The following SYNPO2 variants were observed in gnomAD, a reference collection of about 807,000 sequenced individuals.
The protein encoded by SYNPO2 is synaptopodin 2.
A neutral mutation model predicts 85.0 loss-of-function variants in SYNPO2; 56 were observed. The observed-to-expected ratio is 0.66, with a 90% CI of 0.53 to 0.82. SYNPO2 has a LOEUF of 0.82. SYNPO2 is among the 40% of genes least tolerant of loss of function. The probability of loss-of-function intolerance (pLI) is 0.00; values close to 1 mark genes in which losing one functional copy is unlikely to be tolerated. For synonymous variants in SYNPO2, 602 were observed against 591.1 expected (o/e 1.02, Z -0.27); for missense variants, 1,575 against 1,534.2 (o/e 1.03, Z -0.44).
chr4:118,969,581 C>T (rs1225917118), intron 1 of SYNPO2, among the ~76,000 whole-genome samples: 2 of 152,110 alleles, frequency 1.3e-5, no homozygotes, highest in Non-Finnish European at 2.9e-5. Context: ...TGGCATATTC[C>T]AAGTGTAATA....
intron 4 of SYNPO2, among the ~76,000 whole-genome samples, chr4:119,054,847 C>T (rs2149201764): frequency 6.6e-6 from 1 of 152,306 alleles, no homozygotes; most frequent in East Asian, 1.9e-4. Flanking sequence ...CAGGGATCCA[C>T]CTCTGTCTGC....
chr4:118,924,975 A>G (rs192157466), intron 1 of SYNPO2, among the ~76,000 whole-genome samples: 5 of 152,304 alleles, frequency 3.3e-5, no homozygotes, highest in Admixed American at 2.0e-4. Flanking sequence ...AGTCTATCAC[A>G]TCACCTCCAT....
intron 1 of SYNPO2, among the ~76,000 whole-genome samples, chr4:119,005,762 T>G (rs1578635089): frequency 6.6e-6 from 1 of 152,312 alleles, no homozygotes; most frequent in East Asian, 1.9e-4. Context: ...TTACCTTTTC[T>G]TATAACTGAG....
intron 4 of SYNPO2, among the ~76,000 whole-genome samples, chr4:119,057,022 C>A (rs1008632682): frequency 6.6e-6 from 1 of 152,178 alleles, no homozygotes; most frequent in African/African-American, 2.4e-5. Context: ...TGTGAATTCA[C>A]ATATGCTTAT....
chr4:119,052,985 C>A (rs2149201069), intron 4 of SYNPO2, among the ~76,000 whole-genome samples: 1 of 152,240 alleles, frequency 6.6e-6, no homozygotes, highest in Non-Finnish European at 1.5e-5. Context: ...ATATTAAATT[C>A]CCTTGATGAT....
At chr4:118,962,850 A>G (rs1735159272) in intron 1 of SYNPO2, among the ~76,000 whole-genome samples, 1 of 152,190 alleles carries the variant, frequency 6.6e-6, no homozygotes, top group Admixed American at 6.6e-5. Context: ...CCCATTAGCC[A>G]TAATCTTGGC....
intron 1 of SYNPO2, among the ~76,000 whole-genome samples, chr4:118,919,187 G>A (rs2149127537): frequency 6.6e-6 from 1 of 152,226 alleles, no homozygotes; most frequent in East Asian, 1.9e-4. Flanking sequence ...ATGAGGGAGA[G>A]CAAATATTAG....
intron 1 of SYNPO2, among the ~76,000 whole-genome samples, chr4:119,012,736 T>C (rs1361086423): frequency 1.3e-5 from 2 of 152,202 alleles, no homozygotes; most frequent in African/African-American, 2.4e-5. Flanking sequence ...CTCCTTCTTT[T>C]TTAGGGTTGC....
intron 1 of SYNPO2, among the ~76,000 whole-genome samples, chr4:118,980,536 C>A (rs1262384322): frequency 6.6e-6 from 1 of 152,006 alleles, no homozygotes; most frequent in Non-Finnish European, 1.5e-5. Flanking sequence ...CCACACATGC[C>A]ATCATTCCAC....
At chr4:118,914,120 G>A (rs1733232172) in intron 1 of SYNPO2, among the ~76,000 whole-genome samples, 1 of 152,148 alleles carries the variant, frequency 6.6e-6, no homozygotes, top group Non-Finnish European at 1.5e-5. Flanking sequence ...TAATTTGATT[G>A]TTTCATCTTG....
chr4:118,873,570 G>C (rs1163648622), intron 1 of SYNPO2, among the ~76,000 whole-genome samples: 1 of 151,922 alleles, frequency 6.6e-6, no homozygotes, highest in Non-Finnish European at 1.5e-5. Flanking sequence ...TATTGTTTTT[G>C]AGTTGTGTTC....
At chr4:119,006,957 T>C (rs1339185925) in intron 1 of SYNPO2, among the ~76,000 whole-genome samples, 1 of 151,916 alleles carries the variant, frequency 6.6e-6, no homozygotes, top group East Asian at 1.9e-4. Flanking sequence ...CTTAATTTGT[T>C]GGTTTGTTGC....
chr4:119,020,183 A>T (rs1389496094), intron 1 of SYNPO2, among the ~76,000 whole-genome samples: 1 of 152,180 alleles, frequency 6.6e-6, no homozygotes, highest in Admixed American at 6.5e-5. Context: ...GTAGTCCTTC[A>T]GAAAAACTTA....
At chr4:118,901,374 G>A (rs75170307) in intron 1 of SYNPO2, among the ~76,000 whole-genome samples, 2,338 of 152,242 alleles carry the variant, frequency 0.015, 30 homozygotes, top group Non-Finnish European at 0.021. Flanking sequence ...GACACAATAA[G>A]GCAAAGTTCC....
At chr4:118,872,331 A>T (rs953777538) in intron 1 of SYNPO2, among the ~76,000 whole-genome samples, 5 of 152,212 alleles carry the variant, frequency 3.3e-5, no homozygotes, top group Admixed American at 1.3e-4. Flanking sequence ...CTTGCCAGTC[A>T]CAACCCGTGG....
At chr4:118,852,735 G>C (rs1731441609) in intron 1 of SYNPO2, among the ~76,000 whole-genome samples, 1 of 152,166 alleles carries the variant, frequency 6.6e-6, no homozygotes, top group African/African-American at 2.4e-5. Context: ...AGGGTGGGAG[G>C]AGGGAGAGAA....
At chr4:118,870,541 G>A (rs1731782640) in intron 1 of SYNPO2, among the ~76,000 whole-genome samples, 1 of 152,132 alleles carries the variant, frequency 6.6e-6, no homozygotes, top group African/African-American at 2.4e-5. Flanking sequence ...ATATTCCTTT[G>A]TGTATATACC....
At position 119,036,500 on chromosome 4, in the gene SYNPO2, C is replaced by T. The variant is rs185132377; in HGVS notation, c.3252+4473C>T. ...AGAATTGAATTCTTCTCTAGATGTC[C>T]TACCAGGGTTGGCCAAGGGCCACAA... On this transcript the variant is annotated intron_variant, in intron 4 of 4. Coordinates refer to ENST00000307142, the MANE Select transcript of SYNPO2 (RefSeq NM_133477.3). 211 of 985,422 alleles carry T rather than the reference C, an allele frequency of 2.1e-4. No homozygotes were observed. In the African/African-American group the frequency reaches 3.4e-3, roughly 16 times the overall value. The allele number at this position is 985,422 out of a possible 1,614,324, so 61.0% of individuals were successfully genotyped here. A position where few individuals can be genotyped will look rare whatever the true frequency, so the allele number is the denominator to read the frequency against.
At chr4:118,908,394 C>T (rs1405349118) in intron 1 of SYNPO2, among the ~76,000 whole-genome samples, 1 of 152,076 alleles carries the variant, frequency 6.6e-6, no homozygotes, top group African/African-American at 2.4e-5. Flanking sequence ...AACATACTTC[C>T]ATTTCTAAAC....
Sources: allele counts gnomAD v4.1 joint callset (sites outside exome capture counted in the v4.1 genomes callset), GRCh38; gene constraint gnomAD v4.1.1; transcripts MANE v1.5; gene names NCBI Gene and HGNC (gene_info 2026-07-23, HGNC 2026-07-21).